Variants in IL1RL1 observed in about 807,000 individuals in gnomAD.
IL1RL1 encodes the protein interleukin 1 receptor like 1, also known as interleukin-1 receptor-like 1.
In IL1RL1, 32 loss-of-function variants were observed where a neutral mutation model predicts 50.9. That is an observed-to-expected ratio of 0.63 (90% confidence interval 0.47 to 0.84). IL1RL1 has a LOEUF of 0.84. Among genes scored for constraint, IL1RL1 ranks in the 40% least tolerant of loss-of-function variants. The pLI is 0.00. For synonymous variants in IL1RL1, 275 were observed against 236.0 expected, an observed-to-expected ratio of 1.17 and a Z score of -1.51; for missense variants, 773 against 662.9, an observed-to-expected ratio of 1.17 and a Z score of -1.82.
intron 1 of IL1RL1, among the ~76,000 whole-genome samples, chr2:102,326,842 A>G (rs1677016512): frequency 6.6e-6 from 1 of 152,004 alleles, no homozygotes; most frequent in Non-Finnish European, 1.5e-5. Context: ...AGGAGCACCC[A>G]GATTCATAAA....
At chr2:102,312,803 TTC>T (rs1676556421) in intron 1 of IL1RL1, 2 of 152,142 alleles carry the variant, frequency 1.3e-5, no homozygotes, top group African/African-American at 4.8e-5. Flanking sequence ...TCCATTCTTC[TTC>T]TCTCTGAAGG....
At chr2:102,334,702 G>A (rs561138954) in intron 1 of IL1RL1, among the ~76,000 whole-genome samples, 1 of 152,148 alleles carries the variant, frequency 6.6e-6, no homozygotes, top group East Asian at 1.9e-4. Context: ...TTTGACACTG[G>A]TTTACAGTAA....
At chr2:102,337,812 A>G (rs527936590) in intron 1 of IL1RL1, among the ~76,000 whole-genome samples, 91 of 152,174 alleles carry the variant, frequency 6.0e-4, no homozygotes, top group African/African-American at 2.0e-3. Context: ...TTTTTTTTCA[A>G]AAATAGAAAC....
At chr2:102,321,671 C>T (rs1297307575) in intron 1 of IL1RL1, among the ~76,000 whole-genome samples, 1 of 152,100 alleles carries the variant, frequency 6.6e-6, no homozygotes, top group Non-Finnish European at 1.5e-5. Context: ...TGGTGGATGA[C>T]CCAATCTCTC....
chr2:102,341,627 C>T (rs1216888647), intron 5 of IL1RL1, among the ~76,000 whole-genome samples: 1 of 152,160 alleles, frequency 6.6e-6, no homozygotes, highest in Non-Finnish European at 1.5e-5. Flanking sequence ...CCTATCAGTG[C>T]CTCTTTCTGT....
At chr2:102,346,599 C>T (rs1011886105) in intron 8 of IL1RL1, among the ~76,000 whole-genome samples, 2 of 152,204 alleles carry the variant, frequency 1.3e-5, no homozygotes, top group African/African-American at 4.8e-5. Flanking sequence ...TTCCTCTGTG[C>T]ATCCAGCTGG....
At chr2:102,333,679 G>A (rs1054421220) in intron 1 of IL1RL1, among the ~76,000 whole-genome samples, 2 of 152,066 alleles carry the variant, frequency 1.3e-5, no homozygotes, top group African/African-American at 4.8e-5. Flanking sequence ...GGTGGGGACT[G>A]GTCTTACCCA....
intron 1 of IL1RL1, among the ~76,000 whole-genome samples, chr2:102,322,487 T>C (rs1002830714): frequency 6.6e-6 from 1 of 152,200 alleles, no homozygotes; most frequent in Non-Finnish European, 1.5e-5. Context: ...GCTGGCTTAT[T>C]ATGAGGAGCT....
chr2:102,345,401 G>T (rs1677747690), intron 8 of IL1RL1: 1 of 985,204 alleles, frequency 1.0e-6, no homozygotes, highest in Non-Finnish European at 1.2e-6. Context: ...GAAGGAAAGA[G>T]AGAAATATAT....
At chr2:102,335,440 A>G (rs1485626366) in intron 1 of IL1RL1, among the ~76,000 whole-genome samples, 2 of 152,198 alleles carry the variant, frequency 1.3e-5, no homozygotes, top group African/African-American at 4.8e-5. Flanking sequence ...CCCCAGCCAC[A>G]ACTGGGTGAA....
At chr2:102,316,695 A>T (rs1676683497) in intron 1 of IL1RL1, among the ~76,000 whole-genome samples, 1 of 152,242 alleles carries the variant, frequency 6.6e-6, no homozygotes, top group African/African-American at 2.4e-5. Flanking sequence ...TTACCTAAAA[A>T]AATTGTACAA....
Position 102,338,291 on chromosome 2 carries a change from C to T in IL1RL1, c.27C>T (p.Leu9=), listed in dbSNP as rs115399106. The part of the protein sequence containing the change: MGFWILAI[L]TILMYSTAAK... ...TGGGGTTTTGGATCTTAGCAATTCT[C>T]ACAATTCTCATGTATTCCACAGCAG... is the stretch of plus-strand genomic sequence containing the variant. Residue 9 remains leucine (L), a synonymous_variant, in exon 2 of 11, where the codon CTC becomes CTT. Coordinates refer to ENST00000233954, the MANE Select transcript of IL1RL1 (RefSeq NM_016232.5). The T allele has an allele frequency of 1.1e-3, 1,765 of 1,605,908 alleles. 4 individuals carry two copies. Among genetic ancestry groups the T allele is most frequent in the Admixed American group, 1.8e-3 (108 of 59,656 alleles).
At chr2:102,343,647 G>T in intron 8 of IL1RL1, 1 of 1,418,966 alleles carries the variant, frequency 7.0e-7, no homozygotes, top group Non-Finnish European at 9.2e-7. Flanking sequence ...TCCTATCGTT[G>T]GTTTGTCTAG....
intron 1 of IL1RL1, among the ~76,000 whole-genome samples, chr2:102,326,409 T>C (rs1263930133): frequency 6.6e-6 from 1 of 152,008 alleles, no homozygotes; most frequent in African/African-American, 2.4e-5. Context: ...TGCCAAATTG[T>C]AAAGACCATC....
intron 8 of IL1RL1, chr2:102,346,224 G>T (rs1444864412): frequency 5.8e-6 from 1 of 173,426 alleles, no homozygotes; most frequent in East Asian, 1.9e-4. Context: ...CATATTTGAT[G>T]CTCATAATAA....
intron 1 of IL1RL1, among the ~76,000 whole-genome samples, chr2:102,324,013 CTTT>C (rs33934744): frequency 2.2e-5 from 3 of 138,248 alleles, no homozygotes; most frequent in Non-Finnish European, 3.1e-5. Context: ...ATCAGTAGTT[CTTT>C]TTTTTTTTTT....
chr2:102,330,784 A>G (rs1677157394), intron 1 of IL1RL1, among the ~76,000 whole-genome samples: 1 of 152,236 alleles, frequency 6.6e-6, no homozygotes, highest in African/African-American at 2.4e-5. Context: ...TCTTTGAAGA[A>G]GAAAAGTTTC....
chr2:102,343,397 C>T lies in IL1RL1; in HGVS notation c.952C>T (p.Leu318=), dbSNP rs1206095155. 2.5e-6 allele frequency: 4 copies of T among 1,614,184 alleles called. No homozygotes were observed. Among genetic ancestry groups the T allele is most frequent in the Non-Finnish European group, 3.4e-6 (4 of 1,180,026 alleles). ...TGGCTTGAGAAGGCACACCGTAAGA[C>T]TAAGTAGGAAAAATCCAAGTAAGGA... ...LHGLRRHTVR[L]SRKNPIDHHS... Residue 318 remains leucine, a synonymous_variant, in exon 8 of 11, where the codon CTA becomes TTA. Transcript: ENST00000233954.
intron 1 of IL1RL1, among the ~76,000 whole-genome samples, chr2:102,318,422 C>G (rs1338894908): frequency 6.7e-6 from 1 of 148,336 alleles, no homozygotes; most frequent in Non-Finnish European, 1.5e-5. Context: ...TGCCATCAAC[C>G]AAGATGAGAA....
Sources: allele counts gnomAD v4.1 joint callset (sites outside exome capture counted in the v4.1 genomes callset), GRCh38; gene constraint gnomAD v4.1.1; transcripts MANE v1.5; gene names NCBI Gene and HGNC (gene_info 2026-07-23, HGNC 2026-07-21).